CDH13: variants seen among roughly 807,000 people sequenced by gnomAD.
The protein encoded by CDH13 is cadherin-13.
CDH13 carries 24 observed loss-of-function variants against 63.8 expected under a neutral mutation model. The ratio of observed to expected loss-of-function variants is 0.38; its 90% CI spans 0.27 to 0.53. The LOEUF is 0.53. Ranked by LOEUF, CDH13 falls within the 20% of genes least tolerant of loss-of-function variation. The pLI, the probability that CDH13 is intolerant of heterozygous loss-of-function variation, is 0.85. For missense variants in CDH13, 1,049 were observed against 903.1 expected, an observed-to-expected ratio of 1.16 and a Z score of -2.07; for synonymous variants, 503 against 355.3, an observed-to-expected ratio of 1.42 and a Z score of -4.67.
At chr16:82,898,300 G>A (rs1358734553) in intron 2 of CDH13, among the ~76,000 whole-genome samples, 1 of 152,144 alleles carries the variant, frequency 6.6e-6, no homozygotes, top group Non-Finnish European at 1.5e-5. Flanking sequence ...CAAGGTGGGT[G>A]GATCACCCGA....
intron 8 of CDH13, among the ~76,000 whole-genome samples, chr16:83,652,668 G>C (rs1351308640): frequency 6.6e-6 from 1 of 152,148 alleles, no homozygotes. Flanking sequence ...TGGGCTCTGG[G>C]AAGCTGACAG....
chr16:83,443,743 T>G (rs1277962223), intron 6 of CDH13, among the ~76,000 whole-genome samples: 1 of 95,220 alleles, frequency 1.1e-5, no homozygotes, highest in East Asian at 2.7e-4. Flanking sequence ...AAAATATATA[T>G]ATATATATAT....
intron 2 of CDH13, among the ~76,000 whole-genome samples, chr16:82,939,912 AAG>A (rs754679335): frequency 1.3e-5 from 2 of 152,186 alleles, no homozygotes; most frequent in Non-Finnish European, 2.9e-5. Context: ...AATAAGGAAA[AAG>A]AGGTTTGATG....
chr16:82,945,368 T>C (rs1170385910), intron 2 of CDH13, among the ~76,000 whole-genome samples: 2 of 152,184 alleles, frequency 1.3e-5, no homozygotes, highest in East Asian at 1.9e-4. Flanking sequence ...CAAGCCTCAG[T>C]GTAGGTCTTC....
intron 5 of CDH13, among the ~76,000 whole-genome samples, chr16:83,332,542 A>G (rs1036622926): frequency 6.6e-6 from 1 of 152,190 alleles, no homozygotes; most frequent in Non-Finnish European, 1.5e-5. Context: ...GCACGTAAAA[A>G]TACAATCCCC....
At chr16:83,184,494 C>G (rs1019009599) in intron 4 of CDH13, among the ~76,000 whole-genome samples, 2 of 152,014 alleles carry the variant, frequency 1.3e-5, no homozygotes, top group Admixed American at 6.5e-5. Context: ...GTGGCTCACA[C>G]CTGTAATCCC....
At chr16:83,091,158 CCTT>C (rs1400123692) in intron 3 of CDH13, among the ~76,000 whole-genome samples, 2 of 151,896 alleles carry the variant, frequency 1.3e-5, no homozygotes, top group Non-Finnish European at 2.9e-5. Context: ...TTAGTGATCT[CCTT>C]CTTCCTTTCT....
intron 10 of CDH13, among the ~76,000 whole-genome samples, chr16:83,728,353 G>A (rs556437439): frequency 6.6e-6 from 1 of 152,178 alleles, no homozygotes; most frequent in South Asian, 2.1e-4. Context: ...GTGTGTGTGT[G>A]TGTGTGTGTT....
intron 5 of CDH13, among the ~76,000 whole-genome samples, chr16:83,313,498 T>A (rs772594417): frequency 4.6e-5 from 7 of 152,148 alleles, no homozygotes; most frequent in Non-Finnish European, 7.3e-5. Context: ...AATAAAGCAA[T>A]ATAAGATTCA....
chr16:82,653,431 G>A (rs532190399), intron 1 of CDH13, among the ~76,000 whole-genome samples: 2 of 152,330 alleles, frequency 1.3e-5, no homozygotes, highest in Non-Finnish European at 2.9e-5. Flanking sequence ...GAGGGACCCA[G>A]GAAGGCCTTC....
chr16:83,142,369 C>T lies in CDH13; in HGVS notation c.483+16868C>T, dbSNP rs1017521875. Among the ~76,000 whole-genome samples, 3 of 152,062 alleles carry T rather than the reference C, an allele frequency of 2.0e-5. No individual in the cohort carries two copies. The East Asian group carries it at 5.8e-4, about 30-fold the overall frequency. On this transcript the variant is annotated intron_variant, in intron 4 of 13. Coordinates refer to ENST00000567109, the MANE Select transcript of CDH13 (RefSeq NM_001257.5). The stretch of plus-strand genomic sequence containing the variant: ...CAGAGGTGGGGTTTTGCCATGTTGG[C>T]CAGGCTGGTCTCGAATTTCTGTCCT...
chr16:83,197,598 GA>G (rs753668420), intron 4 of CDH13, among the ~76,000 whole-genome samples: 5 of 152,106 alleles, frequency 3.3e-5, no homozygotes, highest in Non-Finnish European at 7.3e-5. Context: ...GTGGCTGCCA[GA>G]ATGTGTATCT....
chr16:82,846,448 T>G (rs1477238717), intron 1 of CDH13, among the ~76,000 whole-genome samples: 1 of 152,200 alleles, frequency 6.6e-6, no homozygotes, highest in Non-Finnish European at 1.5e-5. Flanking sequence ...ATTTGATTTG[T>G]GTTTACTCAT....
chr16:83,660,386 C>T (rs538331881), intron 8 of CDH13, among the ~76,000 whole-genome samples: 54 of 152,246 alleles, frequency 3.5e-4, no homozygotes, highest in African/African-American at 1.2e-3. Context: ...CTAGGTCCCT[C>T]GTGTGTGCAG....
intron 7 of CDH13, among the ~76,000 whole-genome samples, chr16:83,508,829 C>G (rs1041019345): frequency 2.6e-5 from 4 of 152,208 alleles, no homozygotes; most frequent in Non-Finnish European, 5.9e-5. Context: ...ATTATTCTCT[C>G]TTGTCTTCTA....
intron 7 of CDH13, among the ~76,000 whole-genome samples, chr16:83,515,340 C>G (rs1368780883): frequency 6.6e-6 from 1 of 152,218 alleles, no homozygotes; most frequent in Non-Finnish European, 1.5e-5. Context: ...CATTACACTT[C>G]TCTCTGCAGT....
chr16:83,443,205 C>G (rs987796862), intron 6 of CDH13, among the ~76,000 whole-genome samples: 2 of 152,168 alleles, frequency 1.3e-5, no homozygotes, highest in Non-Finnish European at 2.9e-5. Flanking sequence ...CTTACTCCCA[C>G]AGTGATGCTT....
At chr16:82,752,348 G>T (rs2034451377) in intron 1 of CDH13, among the ~76,000 whole-genome samples, 1 of 152,120 alleles carries the variant, frequency 6.6e-6, no homozygotes, top group Admixed American at 6.6e-5. Flanking sequence ...ATCTTTCCCT[G>T]GTTCAGCTTG....
At chr16:83,585,843 G>C (rs555316626) in intron 7 of CDH13, among the ~76,000 whole-genome samples, 5 of 152,260 alleles carry the variant, frequency 3.3e-5, no homozygotes, top group African/African-American at 1.2e-4. Context: ...CAGGGGTTTT[G>C]GCTACTGGGG....
Sources: allele counts gnomAD v4.1 joint callset (sites outside exome capture counted in the v4.1 genomes callset), GRCh38; gene constraint gnomAD v4.1.1; transcripts MANE v1.5; gene names NCBI Gene and HGNC (gene_info 2026-07-23, HGNC 2026-07-21).